The following ZNF407 variants were observed in gnomAD, a reference collection of about 807,000 sequenced individuals.
The protein encoded by ZNF407 is zinc finger protein 407.
In ZNF407, 17 loss-of-function variants were observed where a neutral mutation model predicts 131.2. The ratio of observed to expected loss-of-function variants is 0.13; its 90% CI spans 0.09 to 0.19. The LOEUF (loss-of-function observed/expected upper bound fraction) is 0.19. ZNF407 is among the 10% of genes least tolerant of loss of function. The probability of loss-of-function intolerance (pLI) is 1.00; values close to 1 mark genes in which losing one functional copy is unlikely to be tolerated. For missense variants in ZNF407, 2,681 were observed against 2,830.6 expected (o/e 0.95, Z 1.20); for synonymous variants, 1,156 against 1,062.0 (o/e 1.09, Z -1.72).
intron 7 of ZNF407, among the ~76,000 whole-genome samples, chr18:74,914,450 C>T (rs1373347024): frequency 6.6e-6 from 1 of 152,168 alleles, no homozygotes; most frequent in Non-Finnish European, 1.5e-5. Flanking sequence ...CACTTCCTAC[C>T]TACCTTTAGA....
intron 8 of ZNF407, among the ~76,000 whole-genome samples, chr18:74,965,755 G>A (rs1048215644): frequency 6.6e-6 from 1 of 152,102 alleles, no homozygotes; most frequent in Admixed American, 6.6e-5. Flanking sequence ...CTCTGTAGTG[G>A]TTATACTTAT....
intron 3 of ZNF407, among the ~76,000 whole-genome samples, chr18:74,676,160 C>T (rs189396211): frequency 1.1e-3 from 172 of 151,586 alleles, no homozygotes; most frequent in African/African-American, 3.7e-3. Context: ...GGCACGATCT[C>T]GGCTCACTGC....
intron 6 of ZNF407, among the ~76,000 whole-genome samples, chr18:74,889,515 TTTAAA>T (rs1189601138): frequency 6.6e-6 from 1 of 152,174 alleles, no homozygotes; most frequent in African/African-American, 2.4e-5. Flanking sequence ...TTTACTCAGT[TTTAAA>T]TTATATATTC....
chr18:74,952,903 C>G (rs74856931), intron 8 of ZNF407, among the ~76,000 whole-genome samples: 1 of 152,080 alleles, frequency 6.6e-6, no homozygotes, highest in African/African-American at 2.4e-5. Context: ...TGACGGAACA[C>G]GAGGCCAACA....
At chr18:74,699,618 T>A (rs1248679659) in intron 3 of ZNF407, among the ~76,000 whole-genome samples, 1 of 152,112 alleles carries the variant, frequency 6.6e-6, no homozygotes, top group Non-Finnish European at 1.5e-5. Context: ...CCAGTGAGTA[T>A]TTTACAAGTT....
rs1017861342 is a variant in ZNF407, at chr18:74,634,643, A to G, written c.3624A>G (p.Leu1208=). The G allele has an allele frequency of 9.3e-6, 15 of 1,613,868 alleles. No individual in the cohort carries two copies. The highest frequency in any genetic ancestry group is 1.7e-6 in the Non-Finnish European group (2 of 1,179,900). ...ATGAAAATTCAGGAAGCTCTGCCTT[A>G]AATTGTGAGACAGCAAAGAAAAACC... The part of the protein sequence containing the change: ...FQNENSGSSA[L]NCETAKKNHE... Residue 1208 remains leucine, a synonymous_variant, in exon 2 of 9, where the codon TTA becomes TTG. Transcript: ENST00000299687.
At chr18:74,873,706 G>A (rs1447200285) in intron 4 of ZNF407, among the ~76,000 whole-genome samples, 1 of 150,594 alleles carries the variant, frequency 6.6e-6, no homozygotes, top group Non-Finnish European at 1.5e-5. Context: ...GTAAGACCCT[G>A]GCTCTTAAAA....
rs149987733 is a variant in ZNF407, at chr18:74,950,871, T to C, written c.5428+30179T>C. Reference sequence around the variant, plus strand: ...AGGATATGGTTTTTAATGAGGCTTCTAGAAGCTTTAGAAACTTCTTTAATG... The same window carrying C: ...AGGATATGGTTTTTAATGAGGCTTCCAGAAGCTTTAGAAACTTCTTTAATG... On this transcript the variant is annotated intron_variant, in intron 8 of 8. Transcript: ENST00000299687. Among the ~76,000 whole-genome samples, 1,299 of 152,372 alleles carry C rather than the reference T, an allele frequency of 8.5e-3. 16 individuals carry two copies. Among genetic ancestry groups the C allele is most frequent in the African/African-American group, 0.028 (1,179 of 41,582 alleles).
chr18:74,729,597 A>G (rs1400902462), intron 3 of ZNF407, among the ~76,000 whole-genome samples: 1 of 152,134 alleles, frequency 6.6e-6, no homozygotes, highest in Non-Finnish European at 1.5e-5. Flanking sequence ...TATATAAAAT[A>G]TGCTGTGTTC....
chr18:74,612,381 A>G (rs1041426263), intron 1 of ZNF407, among the ~76,000 whole-genome samples: 2 of 152,228 alleles, frequency 1.3e-5, no homozygotes, highest in Non-Finnish European at 2.9e-5. Flanking sequence ...TATATTTTGC[A>G]CAACACCTTT....
Position 74,725,220 on chromosome 18 carries a change from T to C in ZNF407, c.4803-56208T>C, listed in dbSNP as rs533955983. On this transcript the variant is annotated intron_variant, in intron 3 of 8. Coordinates refer to ENST00000299687, the MANE Select transcript of ZNF407 (RefSeq NM_017757.3). ...GTGCAGTCATGGCTCACTGCTACCT[T>C]GACCTCCTAGGCTCCAGTGAGCCTC... Among the ~76,000 whole-genome samples, 176 of 152,288 alleles carry C rather than the reference T, an allele frequency of 1.2e-3. 2 individuals carry two copies. In the Middle Eastern group the frequency reaches 0.014, roughly 12 times the overall value.
In ZNF407 at chr18:74,781,544, A is replaced by G. The variant is rs559299965; in HGVS notation, c.4877+42A>G. The G allele has an allele frequency of 3.5e-5, 49 of 1,415,526 alleles. No homozygotes were observed. The African/African-American group carries it at 4.6e-4, about 13-fold the overall frequency. 87.7% of individuals were successfully genotyped at this position (1,415,526 alleles called of 1,614,324 possible). ...TTTTTTCATTTAAAAATACAATTTG[A>G]TTTTTATTTTAGGCTTTATTTAATG... On this transcript the variant is annotated intron_variant, in intron 4 of 8. Transcript: ENST00000299687.
intron 8 of ZNF407, among the ~76,000 whole-genome samples, chr18:74,931,036 TTCTCTATC>T (rs1971977226): frequency 6.6e-6 from 1 of 152,232 alleles, no homozygotes; most frequent in Admixed American, 6.5e-5. Context: ...ATAGATGTTT[TTCTCTATC>T]TCTCTATCTA....
chr18:74,796,707 A>G (rs1969926714), intron 4 of ZNF407, among the ~76,000 whole-genome samples: 1 of 152,158 alleles, frequency 6.6e-6, no homozygotes, highest in Admixed American at 6.6e-5. Context: ...TTTATCTAGT[A>G]GGTGACAGAT....
At chr18:74,929,832 AATTTC>A (rs1971961254) in intron 8 of ZNF407, among the ~76,000 whole-genome samples, 1 of 152,196 alleles carries the variant, frequency 6.6e-6, no homozygotes, top group Non-Finnish European at 1.5e-5. Flanking sequence ...TACTCTTTGC[AATTTC>A]ATTTATTTCT....
chr18:74,621,988 G>A (rs1983529886), intron 1 of ZNF407, among the ~76,000 whole-genome samples: 1 of 152,144 alleles, frequency 6.6e-6, no homozygotes, highest in African/African-American at 2.4e-5. Flanking sequence ...GTTATCTAGT[G>A]AATGGTTTTT....
At chr18:75,012,942 TC>T (rs1284272336) in intron 8 of ZNF407, among the ~76,000 whole-genome samples, 3 of 90,042 alleles carry the variant, frequency 3.3e-5, no homozygotes, top group Non-Finnish European at 7.3e-5. Flanking sequence ...ATAGAAAGGG[TC>T]CTTTTTTAAA....
At chr18:74,745,674 CA>C (rs1968652988) in intron 3 of ZNF407, among the ~76,000 whole-genome samples, 1 of 152,114 alleles carries the variant, frequency 6.6e-6, no homozygotes, top group African/African-American at 2.4e-5. Flanking sequence ...GAAAACAGAA[CA>C]AAATGCTGCA....
At chr18:74,640,258 T>C (rs1984649553) in intron 2 of ZNF407, among the ~76,000 whole-genome samples, 1 of 152,136 alleles carries the variant, frequency 6.6e-6, no homozygotes, top group Admixed American at 6.5e-5. Flanking sequence ...AATAATCTTA[T>C]TTTCTCATTT....
Sources: gnomAD v4.1 joint callset for allele counts (sites outside exome capture counted in the v4.1 genomes callset) on GRCh38, gnomAD v4.1.1 for gene constraint, MANE v1.5 for transcripts, NCBI Gene and HGNC (gene_info 2026-07-23, HGNC 2026-07-21) for gene names.